Variants in RIMKLB observed in about 807,000 individuals in gnomAD.
RIMKLB encodes the protein beta-citrylglutamate synthase B.
Under a neutral mutation model 32.0 loss-of-function variants are expected in RIMKLB, and 7 were observed. That is an observed-to-expected ratio of 0.22 (90% CI 0.12 to 0.41). The LOEUF is 0.41. RIMKLB is among the 10% of genes least tolerant of loss of function. The pLI is 1.00. For missense variants in RIMKLB, 289 were observed against 498.7 expected (o/e 0.58, Z 4.00); for synonymous variants, 172 against 185.1 (o/e 0.93, Z 0.57).
intron 5 of RIMKLB, among the ~76,000 whole-genome samples, chr12:8,759,738 A>G (rs2137961211): frequency 6.6e-6 from 1 of 152,280 alleles, no homozygotes; most frequent in Non-Finnish European, 1.5e-5. Flanking sequence ...CCAGTTGAGA[A>G]CCACTGCTTT....
At chr12:8,689,182 C>T (rs1335526341) in intron 1 of RIMKLB, among the ~76,000 whole-genome samples, 1 of 152,170 alleles carries the variant, frequency 6.6e-6, no homozygotes, top group Non-Finnish European at 1.5e-5. Context: ...CACCTTATCT[C>T]CACATTCTAA....
the RIMKLB span, chr12:8,668,671 G>A: frequency 1.3e-5 from 2 of 152,180 alleles, no homozygotes; most frequent in Non-Finnish European, 2.9e-5. Context: ...ATGCCCAAGT[G>A]GCAAGGCACT....
rs528470735 is a variant in RIMKLB at position 8,682,173 on chromosome 12, A to G, written n.219+355A>G. Among the ~76,000 whole-genome samples, 134 of 152,312 alleles carry G rather than the reference A, an allele frequency of 8.8e-4. 1 individual carries two copies. Among genetic ancestry groups the G allele is most frequent in the Non-Finnish European group, 1.6e-3 (111 of 68,026 alleles). On this transcript the variant is annotated intron_variant and non_coding_transcript_variant, in intron 1 of 1. Transcript: ENST00000538758. ...ATACATGCATTAAAAAACACATAAAATTAAAGGAATCAGAATTCTTCAAAG... is the reference window on the plus strand; with the variant it reads ...ATACATGCATTAAAAAACACATAAAGTTAAAGGAATCAGAATTCTTCAAAG...
intron 2 of RIMKLB, among the ~76,000 whole-genome samples, chr12:8,744,466 G>A (rs1039205984): frequency 6.6e-6 from 1 of 151,788 alleles, no homozygotes; most frequent in African/African-American, 2.4e-5. Flanking sequence ...TTCCAGGTTA[G>A]CATAATGACA....
At chr12:8,697,468 G>GC (rs1189056799), upstream of RIMKLB, 2 of 153,026 alleles carry the variant, frequency 1.3e-5, no homozygotes, top group Non-Finnish European at 2.9e-5. Flanking sequence ...GCCCGAGGGG[G>GC]TAGGGGGCTC....
intron 2 of RIMKLB, among the ~76,000 whole-genome samples, chr12:8,725,859 G>GT (rs374364683): frequency 3.9e-5 from 6 of 152,122 alleles, no homozygotes; most frequent in African/African-American, 1.2e-4. Flanking sequence ...TGGTTCGTTT[G>GT]TTTTTTGAGA....
chr12:8,701,899 G>GC (rs891442970), intron 1 of RIMKLB, among the ~76,000 whole-genome samples: 3 of 151,706 alleles, frequency 2.0e-5, no homozygotes, highest in African/African-American at 7.3e-5. Context: ...CAGCTACTCG[G>GC]GGGGGCTGAG....
intron 5 of RIMKLB, among the ~76,000 whole-genome samples, chr12:8,761,607 G>A (rs924282644): frequency 6.6e-6 from 1 of 152,086 alleles, no homozygotes; most frequent in South Asian, 2.1e-4. Flanking sequence ...CTTTTAGTGA[G>A]CCCTGTTTAC....
chr12:8,721,590 A>T (rs1462542015), intron 2 of RIMKLB, among the ~76,000 whole-genome samples: 1 of 152,186 alleles, frequency 6.6e-6, no homozygotes, highest in African/African-American at 2.4e-5. Flanking sequence ...ACTCTCAATT[A>T]TAGCTCTCTT....
At chr12:8,730,614 C>T (rs750613057) in intron 2 of RIMKLB, among the ~76,000 whole-genome samples, 4 of 152,232 alleles carry the variant, frequency 2.6e-5, no homozygotes, top group Non-Finnish European at 5.9e-5. Context: ...CTACACCCTC[C>T]AATTTTACGT....
chr12:8,718,329 A>G (rs1945061822), intron 2 of RIMKLB, among the ~76,000 whole-genome samples: 1 of 152,104 alleles, frequency 6.6e-6, no homozygotes, highest in South Asian at 2.1e-4. Flanking sequence ...CTTTGGGGTG[A>G]AGGTTTGTCG....
intron 5 of RIMKLB, among the ~76,000 whole-genome samples, chr12:8,765,335 G>A (rs1949865690): frequency 6.6e-6 from 1 of 152,116 alleles, no homozygotes; most frequent in African/African-American, 2.4e-5. Context: ...GTCCCAGTGA[G>A]GGTCTACACT....
intron 5 of RIMKLB, among the ~76,000 whole-genome samples, chr12:8,771,960 C>T (rs1398942836): frequency 6.6e-6 from 1 of 152,156 alleles, no homozygotes; most frequent in African/African-American, 2.4e-5. Flanking sequence ...ACAATCTTGG[C>T]TCACAGCAAC....
chr12:8,669,513 T>C, the RIMKLB span, among the ~76,000 whole-genome samples: 1 of 152,180 alleles, frequency 6.6e-6, no homozygotes, highest in Non-Finnish European at 1.5e-5. Flanking sequence ...TAAATATTAA[T>C]GTAAATTAGT....
At chr12:8,736,624 G>T (rs1177138118) in intron 2 of RIMKLB, among the ~76,000 whole-genome samples, 1 of 150,556 alleles carries the variant, frequency 6.6e-6, no homozygotes, top group Non-Finnish European at 1.5e-5. Flanking sequence ...AGGAGTATAG[G>T]TGTGTGTCAT....
At chr12:8,735,392 G>T (rs1946907487) in intron 2 of RIMKLB, among the ~76,000 whole-genome samples, 2 of 152,202 alleles carry the variant, frequency 1.3e-5, no homozygotes, top group Admixed American at 6.5e-5. Context: ...ACCATGCCCA[G>T]CTAATTTTTG....
upstream of RIMKLB, among the ~76,000 whole-genome samples, chr12:8,693,060 A>T (rs1942778435): frequency 6.6e-6 from 1 of 152,240 alleles, no homozygotes; most frequent in African/African-American, 2.4e-5. Context: ...AGTTTTGATC[A>T]AATCCCCGCT....
intron 2 of RIMKLB, among the ~76,000 whole-genome samples, chr12:8,726,994 A>G (rs1234185164): frequency 6.6e-6 from 1 of 152,070 alleles, no homozygotes; most frequent in Non-Finnish European, 1.5e-5. Context: ...TGGTTACCCT[A>G]GGGTTTGCAA....
At chr12:8,671,910 TCAAAA>T in the RIMKLB span, among the ~76,000 whole-genome samples, 593 of 151,566 alleles carry the variant, frequency 3.9e-3, 3 homozygotes, top group African/African-American at 0.011. Flanking sequence ...AGACTCCATC[TCAAAA>T]CAAAACAAAA....
Sources: allele counts gnomAD v4.1 joint callset (sites outside exome capture counted in the v4.1 genomes callset), GRCh38; gene constraint gnomAD v4.1.1; transcripts MANE v1.5; gene names NCBI Gene and HGNC (gene_info 2026-07-23, HGNC 2026-07-21).